The following ITPR2 variants were observed in gnomAD, a reference collection of about 807,000 sequenced individuals.
The protein encoded by ITPR2 is inositol 1,4,5-trisphosphate-gated calcium channel ITPR2.
A neutral mutation model predicts 317.1 loss-of-function variants in ITPR2; 207 were observed. The ratio of observed to expected loss-of-function variants is 0.65; its 90% CI spans 0.58 to 0.73. ITPR2 has a LOEUF of 0.73. Among genes scored for constraint, ITPR2 ranks in the 30% least tolerant of loss-of-function variants. The probability of loss-of-function intolerance (pLI) is 0.00; values close to 1 mark genes in which losing one functional copy is unlikely to be tolerated. For missense variants in ITPR2, 2,613 were observed against 3,284.0 expected, an observed-to-expected ratio of 0.80 and a Z score of 4.99; for synonymous variants, 1,156 against 1,149.1, an observed-to-expected ratio of 1.01 and a Z score of -0.12.
intron 37 of ITPR2, among the ~76,000 whole-genome samples, chr12:26,547,583 A>T (rs1944419733): frequency 6.6e-6 from 1 of 152,262 alleles, no homozygotes; most frequent in Non-Finnish European, 1.5e-5. Flanking sequence ...TGAACATATC[A>T]AAGGGATACC....
intron 55 of ITPR2, among the ~76,000 whole-genome samples, chr12:26,348,264 C>T (rs1392160793): frequency 2.0e-5 from 3 of 152,206 alleles, no homozygotes; most frequent in Non-Finnish European, 2.9e-5. Context: ...GGAAAGACAG[C>T]ATTTCTTCTT....
At chr12:26,724,975 G>A (rs1333145391) in intron 3 of ITPR2, among the ~76,000 whole-genome samples, 1 of 152,124 alleles carries the variant, frequency 6.6e-6, no homozygotes, top group Non-Finnish European at 1.5e-5. Context: ...AACTTGGGGA[G>A]TGGATGACTC....
rs1490750038 is a variant in ITPR2, at chr12:26,359,891, C to T, written c.7858-19563G>A. ...CTGCCCCACCCTACTGCTTGGTAACCTTGTGGGAATGAGGAACCCATTCTT... is the reference window on the plus strand; with the variant it reads ...CTGCCCCACCCTACTGCTTGGTAACTTTGTGGGAATGAGGAACCCATTCTT... On this transcript the variant is annotated intron_variant, in intron 55 of 56. Coordinates refer to ENST00000381340, the MANE Select transcript of ITPR2 (RefSeq NM_002223.4). Among the ~76,000 whole-genome samples the T allele has an allele frequency of 2.6e-5, 4 of 152,146 alleles. No homozygotes were observed. In the South Asian group the frequency reaches 6.2e-4, roughly 24 times the overall value.
intron 13 of ITPR2, among the ~76,000 whole-genome samples, chr12:26,676,224 C>T (rs1053235106): frequency 6.6e-6 from 1 of 151,882 alleles, no homozygotes; most frequent in African/African-American, 2.4e-5. Context: ...TACCTGTAAT[C>T]CCAGCACTTT....
chr12:26,754,204 T>G (rs1237329519), intron 2 of ITPR2, among the ~76,000 whole-genome samples: 1 of 152,234 alleles, frequency 6.6e-6, no homozygotes, highest in African/African-American at 2.4e-5. Context: ...TTCAGAAATG[T>G]AAACATTTAG....
At chr12:26,433,148 T>C (rs1941258635) in intron 48 of ITPR2, among the ~76,000 whole-genome samples, 1 of 152,212 alleles carries the variant, frequency 6.6e-6, no homozygotes, top group Non-Finnish European at 1.5e-5. Context: ...ATTAAATAAC[T>C]CATCCAGAAC....
At chr12:26,739,562 C>T (rs1309158523) in intron 2 of ITPR2, among the ~76,000 whole-genome samples, 1 of 152,190 alleles carries the variant, frequency 6.6e-6, no homozygotes, top group Non-Finnish European at 1.5e-5. Context: ...AAAGACTACA[C>T]ACCACATGAG....
chr12:26,493,563 T>G (rs914503548), intron 39 of ITPR2, among the ~76,000 whole-genome samples: 4 of 152,178 alleles, frequency 2.6e-5, no homozygotes, highest in Non-Finnish European at 5.9e-5. Context: ...AAAGTGAATT[T>G]TGAGTGTTCC....
At chr12:26,363,005 G>C (rs995980690) in intron 55 of ITPR2, among the ~76,000 whole-genome samples, 4 of 152,124 alleles carry the variant, frequency 2.6e-5, no homozygotes, top group Non-Finnish European at 5.9e-5. Flanking sequence ...CGTAGATCAG[G>C]GCCCCCAAAC....
chr12:26,395,802 T>C (rs1180579313), intron 54 of ITPR2, among the ~76,000 whole-genome samples: 1 of 152,218 alleles, frequency 6.6e-6, no homozygotes, highest in Non-Finnish European at 1.5e-5. Flanking sequence ...TAGAATAGGA[T>C]AGCTGAGTGG....
rs1430016857 is a variant in ITPR2 at position 26,769,266 on chromosome 12, T to G, written c.163+20891A>C. ...CCACCTTATTCTTTAAAAGACAATT[T>G]CTAAACCACTTCCAAGCATTTGTAA... On this transcript the variant is annotated intron_variant, in intron 2 of 56. Coordinates refer to ENST00000381340, the MANE Select transcript of ITPR2 (RefSeq NM_002223.4). 1.3e-5 allele frequency among the ~76,000 whole-genome samples: 2 copies of G among 152,152 alleles called. 1 individual carries two copies. Among genetic ancestry groups the G allele is most frequent in the African/African-American group, 4.8e-5 (2 of 41,422 alleles).
intron 2 of ITPR2, among the ~76,000 whole-genome samples, chr12:26,742,173 C>T (rs1949241642): frequency 6.6e-6 from 1 of 152,132 alleles, no homozygotes; most frequent in South Asian, 2.1e-4. Context: ...GTGCTTTTGC[C>T]CACCAAAAGA....
chr12:26,679,895 T>A (rs1164842526), intron 13 of ITPR2, among the ~76,000 whole-genome samples: 1 of 152,032 alleles, frequency 6.6e-6, no homozygotes, highest in Admixed American at 6.6e-5. Flanking sequence ...ACAGTTTGAT[T>A]TAAATATAGA....
rs1938019974 is a variant in ITPR2 at position 26,339,174 on chromosome 12, G to A, written c.*223C>T. 1 of 487,484 alleles carries A rather than the reference G, an allele frequency of 2.1e-6. No homozygotes were observed. The highest frequency in any genetic ancestry group is 3.7e-6 in the Non-Finnish European group (1 of 271,882). 30.2% of individuals were successfully genotyped at this position (487,484 alleles called of 1,614,324 possible). On this transcript the variant is annotated 3_prime_UTR_variant, in exon 57 of 57. Coordinates refer to ENST00000381340, the MANE Select transcript of ITPR2 (RefSeq NM_002223.4). The stretch of plus-strand genomic sequence containing the variant: ...CTTTTCTTCCTGATGCATTGCGAAT[G>A]TGTGATGTACGCTTTCTAGCAGATG...
At chr12:26,507,794 C>T (rs2136906585) in intron 37 of ITPR2, among the ~76,000 whole-genome samples, 1 of 151,838 alleles carries the variant, frequency 6.6e-6, no homozygotes, top group Non-Finnish European at 1.5e-5. Context: ...GTTGCTGATG[C>T]TGATCTAATA....
rs1938003675 is a variant in ITPR2 at position 26,338,639 on chromosome 12, C to G, written c.*758G>C. On this transcript the variant is annotated 3_prime_UTR_variant, in exon 57 of 57. Coordinates refer to ENST00000381340, the MANE Select transcript of ITPR2 (RefSeq NM_002223.4). ...GGCTTACTGTTGGCTTTTTATTCCC[C>G]CAGATCTTCTTAAAATCTTAGCCTA... The G allele has an allele frequency of 6.6e-6, 1 of 152,162 alleles. No homozygotes were observed. Among genetic ancestry groups the G allele is most frequent in the South Asian group, 2.1e-4 (1 of 4,826 alleles). The allele number at this position is 152,162 out of a possible 1,614,324, so 9.4% of individuals were successfully genotyped here.
intron 54 of ITPR2, among the ~76,000 whole-genome samples, chr12:26,396,607 T>C (rs1048133773): frequency 2.0e-5 from 3 of 152,132 alleles, no homozygotes; most frequent in Admixed American, 2.0e-4. Context: ...TCTCTGCTTC[T>C]CTTCTCACTC....
chr12:26,760,855 A>G lies in ITPR2; in HGVS notation c.163+29302T>C, dbSNP rs1949618407. Among the ~76,000 whole-genome samples the G allele has an allele frequency of 5.9e-5, 9 of 152,356 alleles. No individual in the cohort carries two copies. The South Asian group carries it at 1.9e-3, about 32-fold the overall frequency. On this transcript the variant is annotated intron_variant, in intron 2 of 56. Coordinates refer to ENST00000381340, the MANE Select transcript of ITPR2 (RefSeq NM_002223.4). The stretch of plus-strand genomic sequence containing the variant: ...GGAATGTGCCATGGTAGTCTGGTAA[A>G]GCTCATGGAACCTTTCCCAGAACAA...
At chr12:26,605,126 A>ATATATAT (rs373595249) in intron 26 of ITPR2, among the ~76,000 whole-genome samples, 3,292 of 136,316 alleles carry the variant, frequency 0.024, 77 homozygotes, top group South Asian at 0.036. Context: ...AAAAAATAAA[A>ATATATAT]ATATATATAT....
Sources: allele counts gnomAD v4.1 joint callset (sites outside exome capture counted in the v4.1 genomes callset), GRCh38; gene constraint gnomAD v4.1.1; transcripts MANE v1.5; gene names NCBI Gene and HGNC (gene_info 2026-07-23, HGNC 2026-07-21).